Variants in EXD3 observed in about 807,000 individuals in gnomAD.
EXD3 encodes exonuclease mut-7 homolog.
Under a neutral mutation model 98.0 loss-of-function variants are expected in EXD3, and 92 were observed. The ratio of observed to expected loss-of-function variants is 0.94; its 90% CI spans 0.79 to 1.12. The LOEUF (loss-of-function observed/expected upper bound fraction) is 1.12. Ranked by LOEUF, EXD3 falls within the 50% of genes most tolerant of loss-of-function variation. EXD3 has a pLI of 0.00. For missense variants in EXD3, 1,222 were observed against 1,191.6 expected, an observed-to-expected ratio of 1.03 and a Z score of -0.38; for synonymous variants, 569 against 526.0, an observed-to-expected ratio of 1.08 and a Z score of -1.12.
In EXD3 at chr9:137,403,774, C is replaced by T. The variant is rs1336000333; in HGVS notation, c.-47-8370G>A. Among the ~76,000 whole-genome samples, 1 of 152,168 alleles carries T rather than the reference C, an allele frequency of 6.6e-6. No homozygotes were observed. The highest frequency in any genetic ancestry group is 1.5e-5 in the Non-Finnish European group (1 of 68,022). ...AGGGCTCCAGAAAGTGGTCGCTGCC[C>T]TTCTCAGAAGGCCCTCTCCACCATG... On this transcript the variant is annotated intron_variant, in intron 1 of 21. Coordinates refer to ENST00000340951, the MANE Select transcript of EXD3 (RefSeq NM_017820.5). This position sits in a 1 kb window ranked among gnomAD's most constrained non-coding sequence, Gnocchi z 6.1.
chr9:137,394,033 C>T (rs1388117882), intron 2 of EXD3, among the ~76,000 whole-genome samples: 2 of 152,206 alleles, frequency 1.3e-5, no homozygotes, highest in African/African-American at 4.8e-5. Flanking sequence ...GCTTCCCGCC[C>T]CAGCCCGTCC....
intron 1 of EXD3, among the ~76,000 whole-genome samples, chr9:137,408,932 C>T (rs893064377): frequency 2.6e-5 from 4 of 152,216 alleles, no homozygotes; most frequent in African/African-American, 9.6e-5. Flanking sequence ...TGAACTTGTA[C>T]AAGGCCCCGA....
chr9:137,412,853 C>T (rs967490907), intron 1 of EXD3, among the ~76,000 whole-genome samples: 3 of 152,044 alleles, frequency 2.0e-5, no homozygotes, highest in Non-Finnish European at 2.9e-5. Flanking sequence ...TCACGGCTCA[C>T]GGCAGCCTCA....
intron 17 of EXD3, among the ~76,000 whole-genome samples, chr9:137,329,647 CT>C: frequency 6.5e-5 from 1 of 15,354 alleles, no homozygotes; most frequent in Non-Finnish European, 1.1e-4. Flanking sequence ...CTACACGGGA[CT>C]ACACGGGGCT....
Position 137,391,330 on chromosome 9 carries a change from G to A in EXD3, c.55+3973C>T, listed in dbSNP as rs571567815. Among the ~76,000 whole-genome samples, 11 of 152,352 alleles carry A rather than the reference G, an allele frequency of 7.2e-5. No individual in the cohort carries two copies. The East Asian group carries it at 1.5e-3, about 21-fold the overall frequency. On this transcript the variant is annotated intron_variant, in intron 2 of 21. Coordinates refer to ENST00000340951, the MANE Select transcript of EXD3 (RefSeq NM_017820.5). ...ACACTGGGCGGGTGCCGAGGAACCC[G>A]TCTGGAGCGTGGACGCTGGATGTGA...
intron 2 of EXD3, among the ~76,000 whole-genome samples, chr9:137,384,163 GC>G (rs1836467323): frequency 6.6e-6 from 1 of 152,206 alleles, no homozygotes; most frequent in Non-Finnish European, 1.5e-5. Flanking sequence ...AAGCTGCTGG[GC>G]CCCCCTGCAG....
intron 19 of EXD3, among the ~76,000 whole-genome samples, chr9:137,317,942 G>A (rs1359494703): frequency 6.6e-6 from 1 of 152,170 alleles, no homozygotes; most frequent in African/African-American, 2.4e-5. Flanking sequence ...GGTGCCAAGC[G>A]TGGGAATGGG....
chr9:137,364,958 C>T (rs1333586528), intron 7 of EXD3, among the ~76,000 whole-genome samples: 3 of 151,636 alleles, frequency 2.0e-5, no homozygotes, highest in Non-Finnish European at 4.4e-5. Flanking sequence ...TTAGTAGAAA[C>T]GGGGTTTCAC....
chr9:137,312,414 C>T (rs140468484), intron 19 of EXD3, among the ~76,000 whole-genome samples: 18 of 152,270 alleles, frequency 1.2e-4, no homozygotes, highest in African/African-American at 2.9e-4. Context: ...CCAACAGCGC[C>T]GTGCCAGCCC....
At chr9:137,420,132 C>A (rs925275716) in intron 1 of EXD3, among the ~76,000 whole-genome samples, 1 of 151,974 alleles carries the variant, frequency 6.6e-6, no homozygotes, top group Non-Finnish European at 1.5e-5. Flanking sequence ...TGCACTCCAG[C>A]CTGGGCGACA....
rs1221744367 is a variant in EXD3 at position 137,373,415 on chromosome 9, C to T, written c.294+11G>A. On this transcript the variant is annotated intron_variant, in intron 4 of 21. Transcript: ENST00000340951. ...GAAGGGAGGTGACTGTCACAGAACC[C>T]ATGGGCTCACCTGGGCCAGGCTCGG... 1 of 1,604,114 alleles carries T rather than the reference C, an allele frequency of 6.2e-7. No homozygotes were observed. The highest frequency in any genetic ancestry group is 1.7e-5 in the Admixed American group (1 of 59,818).
Position 137,367,957 on chromosome 9 carries a change from C to A in EXD3, c.495G>T (p.Gln165His), listed in dbSNP as rs772841368. Residue 165 changes from glutamine to histidine, a missense_variant, in exon 6 of 22, where the codon CAG (glutamine) becomes CAT (histidine). Gln to His is a conservative substitution (Grantham distance 24). Transcript: ENST00000340951. ...AATLGATLKL[Q>H]SELGVEKMSI... is the part of the protein sequence containing the mutation. ...TCACCTTTTCAACGCCAAGCTCCGACTGCAGCTTCAACGTCGCGCCCAGCG... is the reference window on the plus strand; with the variant it reads ...TCACCTTTTCAACGCCAAGCTCCGAATGCAGCTTCAACGTCGCGCCCAGCG... 2.4e-5 allele frequency: 39 copies of A among 1,612,136 alleles called. No individual in the cohort carries two copies. The highest frequency in any genetic ancestry group is 3.3e-5 in the Non-Finnish European group (39 of 1,179,758).
intron 5 of EXD3, among the ~76,000 whole-genome samples, chr9:137,369,778 C>T (rs1835496172): frequency 6.6e-6 from 1 of 152,212 alleles, no homozygotes; most frequent in African/African-American, 2.4e-5. Context: ...CTCTGTGTCC[C>T]GCACGCTGCG....
intron 14 of EXD3, 34 bp downstream of exon 14, chr9:137,351,004 C>G (rs1394599189): frequency 6.5e-7 from 1 of 1,535,936 alleles, no homozygotes; most frequent in African/African-American, 1.4e-5. Flanking sequence ...CCAGGCCCAC[C>G]CGGCATCTTG....
chr9:137,346,977 A>T (rs1457092271), intron 17 of EXD3, among the ~76,000 whole-genome samples: 3 of 151,688 alleles, frequency 2.0e-5, no homozygotes, highest in Non-Finnish European at 4.4e-5. Flanking sequence ...CACCACGCCC[A>T]GCTAATTTTT....
In EXD3 at chr9:137,355,577, AG is replaced by A. The variant is rs1415338370; in HGVS notation, c.757+690del. On this transcript the variant is annotated intron_variant, in intron 8 of 21. Transcript: ENST00000340951. ...GGAAGGAGGAAGGGAGGATGGAGGA[AG>A]GAGGAAGGAGAAAGGGCGGAAGGAG... Among the ~76,000 whole-genome samples, 20 of 37,204 alleles carry A rather than the reference AG, an allele frequency of 5.4e-4. 1 individual carries two copies. Among genetic ancestry groups the A allele is most frequent in the East Asian group, 2.3e-3 (2 of 888 alleles). 24.4% of individuals were successfully genotyped at this position (37,204 alleles called of 152,430 possible).
At chr9:137,394,203 G>A (rs191467598) in intron 2 of EXD3, among the ~76,000 whole-genome samples, 5 of 61,158 alleles carry the variant, frequency 8.2e-5, no homozygotes, top group South Asian at 4.2e-4. Context: ...CCCAGCCTCC[G>A]CTTCCCTAAC....
chr9:137,380,688 C>T (rs1217187495), intron 3 of EXD3, among the ~76,000 whole-genome samples: 2 of 92,562 alleles, frequency 2.2e-5, no homozygotes, highest in East Asian at 3.3e-4. Flanking sequence ...CCAATCCCCC[C>T]GCCGGTATCC....
chr9:137,356,093 C>A (rs543710430), intron 8 of EXD3, among the ~76,000 whole-genome samples, 175 bp downstream of exon 8: 9 of 152,332 alleles, frequency 5.9e-5, no homozygotes, highest in Admixed American at 3.9e-4. Context: ...CCAGGCCAGG[C>A]CCACCTCACA....
Sources: gnomAD v4.1 joint callset for allele counts (sites outside exome capture counted in the v4.1 genomes callset) on GRCh38, gnomAD v4.1.1 for gene constraint, Gnocchi (gnomAD v3.1) non-coding constraint, MANE v1.5 for transcripts, NCBI Gene and HGNC (gene_info 2026-07-23, HGNC 2026-07-21) for gene names.